The following SLC41A3 variants were observed in gnomAD, a reference collection of about 807,000 sequenced individuals.
SLC41A3 encodes solute carrier family 41 member 3.
In SLC41A3, 44 loss-of-function variants were observed where a neutral mutation model predicts 45.4. The ratio of observed to expected loss-of-function variants is 0.97; its 90% CI spans 0.76 to 1.25. The LOEUF is 1.25. Ranked by LOEUF, SLC41A3 falls within the 50% of genes most tolerant of loss-of-function variation. SLC41A3 has a pLI of 0.00. For missense variants in SLC41A3, 550 were observed against 600.6 expected, an observed-to-expected ratio of 0.92 and a Z score of 0.88; for synonymous variants, 256 against 252.4, an observed-to-expected ratio of 1.01 and a Z score of -0.13.
At chr3:126,029,370 T>G (rs7623362) in intron 4 of SLC41A3, among the ~76,000 whole-genome samples, 10 of 150,966 alleles carry the variant, frequency 6.6e-5, no homozygotes, top group African/African-American at 2.2e-4. Context: ...TGGCACTCCC[T>G]CCCCCACCAC....
At chr3:126,030,806 A>G (rs9848043) in intron 4 of SLC41A3, among the ~76,000 whole-genome samples, 103,760 of 152,154 alleles carry the variant, frequency 0.68, 36,836 homozygotes, top group African/African-American at 0.89. Flanking sequence ...AAATTTAAAA[A>G]GTTGATAATA....
At chr3:126,013,297 T>G (rs1024884052) in intron 8 of SLC41A3, among the ~76,000 whole-genome samples, 1 of 151,654 alleles carries the variant, frequency 6.6e-6, no homozygotes, top group Non-Finnish European at 1.5e-5. Context: ...TGGTGGCTCA[T>G]GCCTGTAATC....
At chr3:126,034,305 T>C (rs1217091163) in intron 3 of SLC41A3, among the ~76,000 whole-genome samples, 2 of 152,174 alleles carry the variant, frequency 1.3e-5, no homozygotes, top group African/African-American at 4.8e-5. Flanking sequence ...TTAAAAATGG[T>C]TTTTGGCTCC....
chr3:126,030,793 T>C (rs1941741574), intron 4 of SLC41A3, among the ~76,000 whole-genome samples: 1 of 152,156 alleles, frequency 6.6e-6, no homozygotes, highest in Non-Finnish European at 1.5e-5. Flanking sequence ...TTAGGTAAGA[T>C]TAAAATTTAA....
At chr3:126,010,428 C>T (rs577558618) in intron 9 of SLC41A3, among the ~76,000 whole-genome samples, 52 of 152,218 alleles carry the variant, frequency 3.4e-4, no homozygotes, top group Middle Eastern at 3.4e-3. Context: ...GCCAAGATTG[C>T]GCCACTGCAC....
intron 4 of SLC41A3, among the ~76,000 whole-genome samples, chr3:126,028,089 G>GAA (rs1299009124): frequency 3.9e-5 from 6 of 152,342 alleles, no homozygotes; most frequent in African/African-American, 1.4e-4. Flanking sequence ...CCATGCGGTA[G>GAA]AAAAGGCAAA....
intron 3 of SLC41A3, among the ~76,000 whole-genome samples, chr3:126,040,762 C>T (rs1942536511): frequency 6.6e-6 from 1 of 152,136 alleles, no homozygotes; most frequent in African/African-American, 2.4e-5. Flanking sequence ...AGTGCCCTCC[C>T]TCCAATCTTT....
intron 1 of SLC41A3, among the ~76,000 whole-genome samples, chr3:126,083,617 G>A (rs966400060): frequency 6.6e-6 from 1 of 152,042 alleles, no homozygotes; most frequent in Non-Finnish European, 1.5e-5. Flanking sequence ...AGGGGTCCCT[G>A]CGCGCGGGCG....
rs58209941 is a variant in SLC41A3 at position 126,077,105 on chromosome 3, A to G, written c.-28+6988T>C. Among the ~76,000 whole-genome samples the G allele has an allele frequency of 2.2e-3, 332 of 152,316 alleles. 2 individuals carry two copies. Among genetic ancestry groups the G allele is most frequent in the African/African-American group, 7.6e-3 (317 of 41,564 alleles). ...ACAAAATAATATAACGAGGCTGGGC[A>G]CGATGCTCATGCCTGTAATACCAGC... On this transcript the variant is annotated intron_variant, in intron 1 of 10. Coordinates refer to ENST00000360370, the MANE Select transcript of SLC41A3 (RefSeq NM_017836.4).
At chr3:126,034,773 C>G (rs140948081) in intron 3 of SLC41A3, among the ~76,000 whole-genome samples, 1 of 152,384 alleles carries the variant, frequency 6.6e-6, no homozygotes, top group Non-Finnish European at 1.5e-5. Context: ...ATTAATCAAC[C>G]AGCTCCAACC....
rs763483256 is a variant in SLC41A3 at position 126,068,220 on chromosome 3, C to G, written c.-1G>C. The G allele has an allele frequency of 6.6e-7, 1 of 1,509,200 alleles. No individual in the cohort carries two copies. The highest frequency in any genetic ancestry group is 1.4e-5 in the South Asian group (1 of 73,234). The allele number at this position is 1,509,200 out of a possible 1,614,324, so 93.5% of individuals were successfully genotyped here. ...GCTGCCGGGTCTCTGTCCCATCCAT[C>G]TGGGCACAGCTGGGCGCCTGGCAGC... On this transcript the variant is annotated 5_prime_UTR_variant, in exon 2 of 11. Coordinates refer to ENST00000360370, the MANE Select transcript of SLC41A3 (RefSeq NM_017836.4).
In SLC41A3 at chr3:126,095,595, A is replaced by T. The variant is rs186450258; in HGVS notation, c.-79+5834T>A. ...TGTAATCACTCTATGACACAGTTACACATGCTTTCTGATCTCAGTATTTAC... is the reference window on the plus strand; with the variant it reads ...TGTAATCACTCTATGACACAGTTACTCATGCTTTCTGATCTCAGTATTTAC... On this transcript the variant is annotated intron_variant, in intron 1 of 9. Transcript: ENST00000508835. 1.7e-3 allele frequency among the ~76,000 whole-genome samples: 256 copies of T among 152,380 alleles called. 1 individual carries two copies. Among genetic ancestry groups the T allele is most frequent in the Middle Eastern group, 6.8e-3 (2 of 294 alleles).
intron 2 of SLC41A3, among the ~76,000 whole-genome samples, chr3:126,052,813 CTTTCT>C: frequency 6.6e-6 from 1 of 152,220 alleles, no homozygotes; most frequent in East Asian, 1.9e-4. Context: ...TTCCTTCCTG[CTTTCT>C]TTTCAGTTCT....
intron 4 of SLC41A3, among the ~76,000 whole-genome samples, chr3:126,029,189 A>G (rs1261955015): frequency 6.6e-6 from 1 of 152,194 alleles, no homozygotes. Flanking sequence ...GAAATTATAT[A>G]GTTTGTATTT....
intron 3 of SLC41A3, among the ~76,000 whole-genome samples, chr3:126,039,390 T>C (rs539105398): frequency 1.3e-5 from 2 of 152,322 alleles, no homozygotes; most frequent in African/African-American, 4.8e-5. Flanking sequence ...AAATCAGCTA[T>C]TTTATGGGAT....
chr3:126,013,718 T>C (rs373479641), intron 8 of SLC41A3, among the ~76,000 whole-genome samples: 6 of 152,218 alleles, frequency 3.9e-5, no homozygotes, highest in South Asian at 2.1e-4. Flanking sequence ...TGCTGCATGA[T>C]TTCAATTTGT....
intron 2 of SLC41A3, among the ~76,000 whole-genome samples, chr3:126,067,191 T>C (rs374948907): frequency 2.7e-5 from 4 of 149,164 alleles, no homozygotes; most frequent in South Asian, 4.2e-4. Context: ...CCAGCAATTC[T>C]ACTCGCAACA....
chr3:126,093,592 G>C (rs534585623), intron 1 of SLC41A3, among the ~76,000 whole-genome samples: 1 of 152,244 alleles, frequency 6.6e-6, no homozygotes, highest in Non-Finnish European at 1.5e-5. Flanking sequence ...TTTTAGGAAG[G>C]TCTAGTTTAA....
intron 3 of SLC41A3, among the ~76,000 whole-genome samples, chr3:126,039,568 G>A (rs906474508): frequency 2.2e-4 from 34 of 152,326 alleles, no homozygotes; most frequent in African/African-American, 7.2e-4. Flanking sequence ...CTGAGGTGGC[G>A]TCTGCCAGGT....
Sources: allele counts gnomAD v4.1 joint callset (sites outside exome capture counted in the v4.1 genomes callset), GRCh38; gene constraint gnomAD v4.1.1; transcripts MANE v1.5; gene names NCBI Gene and HGNC (gene_info 2026-07-23, HGNC 2026-07-21).